Variants in GNAS observed in about 807,000 individuals in gnomAD.
The protein encoded by GNAS is GNAS complex locus, also known as protein ALEX.
In GNAS, 8 loss-of-function variants were observed where a neutral mutation model predicts 54.5. The observed-to-expected ratio is 0.15, with a 90% confidence interval of 0.09 to 0.26. GNAS has a LOEUF of 0.26. GNAS is among the 10% of genes least tolerant of loss of function. GNAS has a pLI of 1.00. For missense variants in GNAS, 170 were observed against 529.8 expected (o/e 0.32, Z 6.67); for synonymous variants, 204 against 191.4 (o/e 1.07, Z -0.54).
At chr20:58,871,732 G>A (rs958148288) in intron 1 of GNAS, among the ~76,000 whole-genome samples, 9 of 148,994 alleles carry the variant, frequency 6.0e-5, no homozygotes, top group Admixed American at 2.0e-4. Context: ...AGGGAGGAGG[G>A]AGGGGGAGAA....
At chr20:58,842,154 A>G in intron 1 of GNAS, 1 of 398,898 alleles carries the variant, frequency 2.5e-6, no homozygotes, top group Non-Finnish European at 4.4e-6. Context: ...ATGACCCAGC[A>G]CAAAAACGGC....
In GNAS at chr20:58,892,167, TTCTC is replaced by T. The variant is rs555117145; in HGVS notation, c.139+306_139+309del. 56 of 964,514 alleles carry T rather than the reference TTCTC, an allele frequency of 5.8e-5. No homozygotes were observed. The East Asian group carries it at 1.4e-3, about 25-fold the overall frequency. 59.7% of individuals were successfully genotyped at this position (964,514 alleles called of 1,614,324 possible). On this transcript the variant is annotated intron_variant, in intron 1 of 12. Coordinates refer to ENST00000371085, the MANE Select transcript of GNAS (RefSeq NM_000516.7). ...TCTCGCTCTCCCCCTCTTTCTCTCT[TTCTC>T]TCTTTTTCCGCGAGGCCTACACGAC...
Position 58,853,639 on chromosome 20 carries a change from G to C in GNAS, c.43+12753G>C. On this transcript the variant is annotated intron_variant, in intron 1 of 12. Coordinates refer to the GNAS transcript ENST00000306090. The surrounding 1 kb of genome is among the most constrained non-coding windows in gnomAD (Gnocchi z 4.4). The stretch of plus-strand genomic sequence containing the variant: ...ACACTGGAGCAGCCTGGATTCCCCA[G>C]TGGGGTCCATGCAGGCCTTGAGGCC... 3 of 1,613,498 alleles carry C rather than the reference G, an allele frequency of 1.9e-6. No homozygotes were observed. The highest frequency in any genetic ancestry group is 2.5e-6 in the Non-Finnish European group (3 of 1,179,890).
intron 1 of GNAS, among the ~76,000 whole-genome samples, chr20:58,871,005 G>A (rs2087406037): frequency 6.6e-6 from 1 of 152,154 alleles, no homozygotes. Context: ...ATGAATCATG[G>A]TGTGCAGTTT....
At chr20:58,870,298 C>A (rs941344169) in intron 1 of GNAS, among the ~76,000 whole-genome samples, 1 of 152,220 alleles carries the variant, frequency 6.6e-6, no homozygotes, top group Non-Finnish European at 1.5e-5. Flanking sequence ...TCTGAGGATT[C>A]TTTAAAGCTT....
At chr20:58,839,853 A>C, upstream of GNAS, 3 of 596,700 alleles carry the variant, frequency 5.0e-6, no homozygotes, top group South Asian at 4.0e-5. Flanking sequence ...GAGGAGACAG[A>C]ACTTTCCCCT....
At chr20:58,895,299 C>G (rs1365062071) in intron 1 of GNAS, 2 of 396,786 alleles carry the variant, frequency 5.0e-6, no homozygotes, top group South Asian at 2.3e-5. Context: ...GACAAAATTG[C>G]GTCATTCCTT....
rs2087530168 is a variant in GNAS, at chr20:58,872,429, C to T, written c.44-23183C>T. Among the ~76,000 whole-genome samples, 4 of 152,082 alleles carry T rather than the reference C, an allele frequency of 2.6e-5. No homozygotes were observed. The South Asian group carries it at 8.3e-4, about 32-fold the overall frequency. Reference sequence around the variant, plus strand: ...AAACCCTAAGGTTAAAAGTGAGCATCCTATAAGTTAAGTATAGATCTTTGA... The same window carrying T: ...AAACCCTAAGGTTAAAAGTGAGCATTCTATAAGTTAAGTATAGATCTTTGA... On this transcript the variant is annotated intron_variant, in intron 1 of 12. Transcript: ENST00000306090.
chr20:58,903,598 T>C lies in GNAS; in HGVS notation c.312+13T>C, dbSNP rs2090833220. On this transcript the variant is annotated intron_variant, in intron 4 of 12. Transcript: ENST00000371085. Reference sequence around the variant, plus strand: ...AGAGGCGATTGAAGTACGTGCTGGCTCCTTGTGCTGTCTGTCTTGTAGCGC... The same window carrying C: ...AGAGGCGATTGAAGTACGTGCTGGCCCCTTGTGCTGTCTGTCTTGTAGCGC... 2 of 1,614,074 alleles carry C rather than the reference T, an allele frequency of 1.2e-6. No individual in the cohort carries two copies. The highest frequency in any genetic ancestry group is 8.5e-7 in the Non-Finnish European group (1 of 1,179,988).
Position 58,909,247 on chromosome 20 carries a change from C to T in GNAS, c.585+31C>T, listed in dbSNP as rs199733353. 5.0e-4 allele frequency: 797 copies of T among 1,603,892 alleles called. No individual in the cohort carries two copies. The highest frequency in any genetic ancestry group is 5.5e-4 in the Non-Finnish European group (648 of 1,170,664). On this transcript the variant is annotated intron_variant, in intron 7 of 12. Coordinates refer to ENST00000371085, the MANE Select transcript of GNAS (RefSeq NM_000516.7). The surrounding 1 kb of genome is among the most constrained non-coding windows in gnomAD (Gnocchi z 7.3). ...CAAAACCCCTCCCCACCAGAGGACT[C>T]TGAGCCCTCTTTCCAAACTACTCCA...
rs981258006 is a variant in GNAS at position 58,895,679 on chromosome 20, T to C, written c.207T>C (p.Asn69=). The C allele has an allele frequency of 4.5e-6, 7 of 1,567,406 alleles. No individual in the cohort carries two copies. The African/African-American group carries it at 9.4e-5, about 21-fold the overall frequency. ...GGATCCTGCATGTTAATGGGTTTAA[T>C]GGAGAGTAAGTGTCAAATCTGTGCA... The part of the protein sequence containing the change: ...QMRILHVNGF[N]GEGGEEDPQA... The change falls in exon 2 of 13, where the codon AAT becomes AAC. Residue 69 remains asparagine, a synonymous_variant. Transcript: ENST00000371085.
intron 1 of GNAS, among the ~76,000 whole-genome samples, chr20:58,865,863 C>A (rs1311660057): frequency 6.6e-6 from 1 of 152,150 alleles, no homozygotes; most frequent in African/African-American, 2.4e-5. Context: ...CCAAGTCAGT[C>A]CCATAGCTAG....
chr20:58,868,593 T>G (rs1359809875), intron 1 of GNAS, among the ~76,000 whole-genome samples: 1 of 152,168 alleles, frequency 6.6e-6, no homozygotes, highest in Non-Finnish European at 1.5e-5. Context: ...CCATTAGGGC[T>G]GCCTTAGTTG....
At chr20:58,852,545 G>T (rs772918845) in intron 1 of GNAS, among the ~76,000 whole-genome samples, 53 of 152,210 alleles carry the variant, frequency 3.5e-4, no homozygotes, top group Non-Finnish European at 6.3e-4. Flanking sequence ...AGTTTCAGGG[G>T]TATCCTGGGG....
chr20:58,854,972 G>T (rs2086397035), intron 1 of GNAS: 1 of 1,611,678 alleles, frequency 6.2e-7, no homozygotes, highest in South Asian at 1.1e-5. Flanking sequence ...ATGAAGGGGT[G>T]GCCAGCAGCG....
chr20:58,865,456 A>G (rs1253999096), intron 1 of GNAS, among the ~76,000 whole-genome samples: 1 of 147,962 alleles, frequency 6.8e-6, no homozygotes, highest in Non-Finnish European at 1.5e-5. Context: ...TATATTATAT[A>G]TATATCATAT....
chr20:58,841,671 G>C lies in GNAS; in HGVS notation c.43+785G>C, dbSNP rs2085734848. 4 of 1,165,700 alleles carry C rather than the reference G, an allele frequency of 3.4e-6. No individual in the cohort carries two copies. Among genetic ancestry groups the C allele is most frequent in the Non-Finnish European group, 4.2e-6 (4 of 945,628 alleles). The allele number at this position is 1,165,700 out of a possible 1,614,324, so 72.2% of individuals were successfully genotyped here. ...CGGGCGGTTAGGGGAAAGTACCTGGGGGAAAGGTAGAGGAGGTAAGGGGAC... is the reference window on the plus strand; with the variant it reads ...CGGGCGGTTAGGGGAAAGTACCTGGCGGAAAGGTAGAGGAGGTAAGGGGAC... On this transcript the variant is annotated intron_variant, in intron 1 of 12. Coordinates refer to the GNAS transcript ENST00000306090. This position sits in a 1 kb window ranked among gnomAD's most constrained non-coding sequence, Gnocchi z 5.0.
intron 1 of GNAS, chr20:58,854,802 G>A: frequency 1.9e-6 from 3 of 1,583,284 alleles, no homozygotes; most frequent in Non-Finnish European, 2.6e-6. Context: ...AGTCCGCCGG[G>A]CGGCCTCTGC....
chr20:58,841,448 C>T lies in GNAS; in HGVS notation c.43+562C>T. On this transcript the variant is annotated intron_variant, in intron 1 of 12. Coordinates refer to the GNAS transcript ENST00000306090. The surrounding 1 kb of genome is among the most constrained non-coding windows in gnomAD (Gnocchi z 5.0). ...ACCCGGGAGGGAAGTCACGCGCGCG[C>T]GGCGCCTAAGCAGCTCAGAGCCGGA... is the stretch of plus-strand genomic sequence containing the variant. 1.0e-6 allele frequency: 1 copy of T among 993,600 alleles called. No individual in the cohort carries two copies. The highest frequency in any genetic ancestry group is 1.2e-6 in the Non-Finnish European group (1 of 834,984). The allele number at this position is 993,600 out of a possible 1,614,324, so 61.5% of individuals were successfully genotyped here. A position where few individuals can be genotyped will look rare whatever the true frequency, so the allele number is the denominator to read the frequency against.
Sources: gnomAD v4.1 joint callset for allele counts (sites outside exome capture counted in the v4.1 genomes callset) on GRCh38, gnomAD v4.1.1 for gene constraint, Gnocchi (gnomAD v3.1) non-coding constraint, MANE v1.5 for transcripts, NCBI Gene and HGNC (gene_info 2026-07-23, HGNC 2026-07-21) for gene names.